PSME3IP1: variants seen among roughly 807,000 people sequenced by gnomAD.
The protein encoded by PSME3IP1 is PSME3-interacting protein.
PSME3IP1 carries 13 observed loss-of-function variants against 34.1 expected under a neutral mutation model. The observed-to-expected ratio is 0.38, with a 90% CI of 0.25 to 0.61. The LOEUF (loss-of-function observed/expected upper bound fraction) is 0.61, where lower values mean the gene tolerates loss of function less well. Ranked by LOEUF, PSME3IP1 falls within the 20% of genes least tolerant of loss-of-function variation. The pLI is 0.60. For synonymous variants in PSME3IP1, 93 were observed against 114.3 expected (o/e 0.81, Z 1.19); for missense variants, 237 against 301.4 (o/e 0.79, Z 1.58).
intron 4 of PSME3IP1, among the ~76,000 whole-genome samples, chr16:57,169,368 A>G (rs1343155113): frequency 1.3e-5 from 2 of 152,224 alleles, no homozygotes; most frequent in East Asian, 1.9e-4. Flanking sequence ...TATAGTAATC[A>G]AGCAAAGCCT....
intron 4 of PSME3IP1, among the ~76,000 whole-genome samples, chr16:57,170,267 G>T (rs945136273): frequency 6.6e-6 from 1 of 152,056 alleles, no homozygotes; most frequent in Non-Finnish European, 1.5e-5. Flanking sequence ...ATTTTTAGCA[G>T]AGACAGGGTT....
At chr16:57,156,467 C>T (rs140397301) in intron 6 of PSME3IP1, among the ~76,000 whole-genome samples, 6 of 152,270 alleles carry the variant, frequency 3.9e-5, no homozygotes, top group African/African-American at 7.2e-5. Context: ...AGATATCAAA[C>T]GGCCCGCACA....
rs2070152019 is a variant in PSME3IP1, at chr16:57,153,424, A to G, written c.*866T>C. The G allele has an allele frequency of 6.6e-6, 1 of 152,258 alleles. No homozygotes were observed. 9.4% of individuals were successfully genotyped at this position (152,258 alleles called of 1,614,324 possible). ...TGCAAGTGTGTCCCACTCATTTACA[A>G]TATTAGGATTCCAGGAGCTGCCAGA... On this transcript the variant is annotated 3_prime_UTR_variant, in exon 7 of 7. Transcript: ENST00000309137.
rs369877166 is a variant in PSME3IP1 at position 57,172,783 on chromosome 16, G to C, written c.219C>G (p.Phe73Leu). The C allele has an allele frequency of 6.2e-7, 1 of 1,610,712 alleles. No individual in the cohort carries two copies. The highest frequency in any genetic ancestry group is 1.3e-5 in the African/African-American group (1 of 74,816). Residue 73 changes from phenylalanine (F) to leucine (L), a missense_variant, in exon 3 of 7, where the codon TTC becomes TTG. Phe to Leu is a conservative substitution (Grantham distance 22). Transcript: ENST00000309137. The part of the protein sequence containing the change: ...DRKQQEYEEQ[F>L]KFKNMVRGLD... The stretch of plus-strand genomic sequence containing the variant: ...CTGTTTTCTGAAGCTTACTGAATTT[G>C]AACTGTTCCTCGTACTCCTGCTGCT...
chr16:57,157,337 A>T (rs1309612680), intron 6 of PSME3IP1, among the ~76,000 whole-genome samples: 1 of 149,266 alleles, frequency 6.7e-6, no homozygotes, highest in Non-Finnish European at 1.5e-5. Flanking sequence ...AAAAAAGAAG[A>T]AGAAGAAGAA....
At chr16:57,170,100 T>TTTG in intron 4 of PSME3IP1, among the ~76,000 whole-genome samples, 1 of 151,470 alleles carries the variant, frequency 6.6e-6, no homozygotes, top group South Asian at 2.1e-4. Context: ...TTTTTTTTTT[T>TTTG]TAAGATAAAG....
chr16:57,157,592 C>G (rs1316626024), intron 6 of PSME3IP1, among the ~76,000 whole-genome samples: 2 of 151,554 alleles, frequency 1.3e-5, no homozygotes, highest in Non-Finnish European at 2.9e-5. Context: ...TTCTTTTGTC[C>G]CTTTTGAATT....
intron 4 of PSME3IP1, among the ~76,000 whole-genome samples, chr16:57,167,998 G>A (rs1281885165): frequency 2.6e-5 from 4 of 152,162 alleles, no homozygotes; most frequent in African/African-American, 9.7e-5. Context: ...CTTTTGAAGT[G>A]AAGAAAGGCC....
intron 4 of PSME3IP1, among the ~76,000 whole-genome samples, chr16:57,170,667 T>G (rs2072463362): frequency 6.6e-6 from 1 of 152,266 alleles, no homozygotes. Context: ...CCAAGTCAGA[T>G]AGTCTTTTTT....
At chr16:57,171,784 T>C (rs1386540542) in intron 4 of PSME3IP1, among the ~76,000 whole-genome samples, 2 of 152,206 alleles carry the variant, frequency 1.3e-5, no homozygotes, top group Non-Finnish European at 2.9e-5. Context: ...TATGAAGACA[T>C]TCAAGTGGAT....
At chr16:57,178,244 T>C (rs1436145107) in intron 1 of PSME3IP1, among the ~76,000 whole-genome samples, 1 of 152,222 alleles carries the variant, frequency 6.6e-6, no homozygotes, top group Admixed American at 6.5e-5. Flanking sequence ...TGCTTTCTTT[T>C]CACCCGATGC....
In PSME3IP1 at chr16:57,153,869, C is replaced by T. The variant is rs1004554606; in HGVS notation, c.*421G>A. The T allele has an allele frequency of 5.5e-6, 1 of 183,180 alleles. No individual in the cohort carries two copies. Among genetic ancestry groups the T allele is most frequent in the Admixed American group, 5.5e-5 (1 of 18,128 alleles). 11.3% of individuals were successfully genotyped at this position (183,180 alleles called of 1,614,324 possible). On this transcript the variant is annotated 3_prime_UTR_variant, in exon 7 of 7. Transcript: ENST00000309137. ...ATGCAGTAGAACCAAACAACACATT[C>T]ATTTACAATAGAATGTTTAAATAAC...
rs1000227907 is a variant in PSME3IP1 at position 57,168,107 on chromosome 16, C to T, written c.349-881G>A. Among the ~76,000 whole-genome samples, 63 of 152,284 alleles carry T rather than the reference C, an allele frequency of 4.1e-4. 1 individual carries two copies. The Middle Eastern group carries it at 0.01, about 25-fold the overall frequency. On this transcript the variant is annotated intron_variant, in intron 4 of 6. Transcript: ENST00000309137. Reference sequence around the variant, plus strand: ...CTCCGTTTTATGCTCTCTCTTGAAACGTCTTAGACAACAGATAAGTATTCT... The same window carrying T: ...CTCCGTTTTATGCTCTCTCTTGAAATGTCTTAGACAACAGATAAGTATTCT...
intron 6 of PSME3IP1, among the ~76,000 whole-genome samples, chr16:57,155,440 T>C (rs1449827934): frequency 1.3e-5 from 2 of 151,820 alleles, no homozygotes; most frequent in Admixed American, 6.6e-5. Context: ...CTGGGAAACA[T>C]AGTGAGGCCC....
Position 57,173,865 on chromosome 16 carries a change from C to T in PSME3IP1, c.-11G>A. 3.1e-6 allele frequency: 5 copies of T among 1,607,232 alleles called. No homozygotes were observed. The East Asian group carries it at 8.9e-5, about 29-fold the overall frequency. On this transcript the variant is annotated 5_prime_UTR_variant, in exon 2 of 7. Coordinates refer to ENST00000309137, the MANE Select transcript of PSME3IP1 (RefSeq NM_024946.4). ...ATCCCCTCCATCCATAATGAAACAACCAATCTACAAAACAAAAACAAAAAC... is the reference window on the plus strand; with the variant it reads ...ATCCCCTCCATCCATAATGAAACAATCAATCTACAAAACAAAAACAAAAAC...
intron 1 of PSME3IP1, among the ~76,000 whole-genome samples, chr16:57,183,572 A>G (rs1177171417): frequency 6.6e-6 from 1 of 152,136 alleles, no homozygotes; most frequent in Non-Finnish European, 1.5e-5. Flanking sequence ...ACCTCAAGTG[A>G]TCTGCCCACC....
At chr16:57,159,132 C>T (rs1468862001) in intron 6 of PSME3IP1, among the ~76,000 whole-genome samples, 1 of 152,068 alleles carries the variant, frequency 6.6e-6, no homozygotes, top group Non-Finnish European at 1.5e-5. Flanking sequence ...GAGAACTGGC[C>T]TAACGGAAGA....
intron 6 of PSME3IP1, among the ~76,000 whole-genome samples, chr16:57,162,960 T>C (rs760736632): frequency 6.6e-6 from 1 of 151,690 alleles, no homozygotes; most frequent in Non-Finnish European, 1.5e-5. Flanking sequence ...AGGTCAGGAG[T>C]GCAAGACCAG....
intron 1 of PSME3IP1, chr16:57,185,418 C>T: frequency 2.7e-6 from 2 of 734,622 alleles, no homozygotes; most frequent in Non-Finnish European, 3.3e-6. Flanking sequence ...TGCTTCCCAT[C>T]CTGCACTGCC....
Sources: allele counts gnomAD v4.1 joint callset (sites outside exome capture counted in the v4.1 genomes callset), GRCh38; gene constraint gnomAD v4.1.1; transcripts MANE v1.5; gene names NCBI Gene and HGNC (gene_info 2026-07-23, HGNC 2026-07-21).